The following TSPAN9 variants were observed in gnomAD, a reference collection of about 807,000 sequenced individuals.
The protein encoded by TSPAN9 is tetraspanin-9.
TSPAN9 carries 16 observed loss-of-function variants against 31.0 expected under a neutral mutation model. That is an observed-to-expected ratio of 0.52 (90% CI 0.35 to 0.78). TSPAN9 has a LOEUF of 0.78. TSPAN9 is among the 30% of genes least tolerant of loss of function. TSPAN9 has a pLI of 0.01. For missense variants in TSPAN9, 272 were observed against 312.5 expected (o/e 0.87, Z 0.98); for synonymous variants, 145 against 121.6 (o/e 1.19, Z -1.27).
intron 3 of TSPAN9, among the ~76,000 whole-genome samples, chr12:3,242,072 C>T (rs920288130): frequency 3.3e-5 from 5 of 152,236 alleles, no homozygotes; most frequent in Admixed American, 3.3e-4. Context: ...CACCCTGCCA[C>T]CTCTAATGTT....
chr12:3,150,534 G>A (rs887321150), intron 2 of TSPAN9, among the ~76,000 whole-genome samples: 3 of 152,150 alleles, frequency 2.0e-5, no homozygotes, highest in East Asian at 1.9e-4. Context: ...ATATACGCAC[G>A]TTGCTGCTGG....
chr12:3,081,844 G>GTGTGTATATATATATATA (rs57812985), intron 1 of TSPAN9, among the ~76,000 whole-genome samples: 1,503 of 116,744 alleles, frequency 0.013, 103 homozygotes, highest in African/African-American at 0.047. Flanking sequence ...GTCTGTGTGT[G>GTGTGTATATATATATATA]TATATATATG....
At chr12:3,242,534 G>A (rs907746310) in intron 3 of TSPAN9, among the ~76,000 whole-genome samples, 2 of 152,234 alleles carry the variant, frequency 1.3e-5, no homozygotes, top group Non-Finnish European at 2.9e-5. Flanking sequence ...GTCCCCTGGT[G>A]GCCAGGTGTT....
intron 3 of TSPAN9, among the ~76,000 whole-genome samples, chr12:3,234,429 G>C (rs897841162): frequency 1.2e-4 from 18 of 152,148 alleles, no homozygotes; most frequent in Admixed American, 3.9e-4. Flanking sequence ...CCCTCCCTCT[G>C]CTCCGGCCAC....
Position 3,283,281 on chromosome 12 carries a change from G to A in TSPAN9, c.*165G>A. The A allele has an allele frequency of 1.5e-6, 1 of 661,334 alleles. No individual in the cohort carries two copies. 41.0% of individuals were successfully genotyped at this position (661,334 alleles called of 1,614,324 possible). A position where few individuals can be genotyped will look rare whatever the true frequency, so the allele number is the denominator to read the frequency against. On this transcript the variant is annotated 3_prime_UTR_variant, in exon 9 of 9. Transcript: ENST00000011898. ...CTCAGCCTCGGACTTCTCAGTGGGT[G>A]GAGTGCCAGGGAGGAGGAGGCACAC... is the stretch of plus-strand genomic sequence containing the variant.
chr12:3,163,073 G>T (rs986622526), intron 2 of TSPAN9, among the ~76,000 whole-genome samples: 1 of 152,140 alleles, frequency 6.6e-6, no homozygotes, highest in Non-Finnish European at 1.5e-5. Flanking sequence ...CCCTGGCTGC[G>T]GTCCACACAG....
At chr12:3,129,505 A>G (rs2098328819) in intron 2 of TSPAN9, among the ~76,000 whole-genome samples, 1 of 152,182 alleles carries the variant, frequency 6.6e-6, no homozygotes, top group South Asian at 2.1e-4. Context: ...GTGGGTTGTG[A>G]GGTCAGACCA....
chr12:3,097,571 G>C (rs2098309753), intron 2 of TSPAN9, among the ~76,000 whole-genome samples: 1 of 152,226 alleles, frequency 6.6e-6, no homozygotes, highest in Non-Finnish European at 1.5e-5. Flanking sequence ...CAGGGGAAGA[G>C]AGGGAAAGTT....
chr12:3,174,479 T>G (rs2098353863), intron 2 of TSPAN9, among the ~76,000 whole-genome samples: 1 of 152,264 alleles, frequency 6.6e-6, no homozygotes, highest in Non-Finnish European at 1.5e-5. Context: ...GTGTGTTCAT[T>G]TCCAGGAGCC....
chr12:3,138,429 A>T (rs1019838676), intron 2 of TSPAN9, among the ~76,000 whole-genome samples: 1 of 151,968 alleles, frequency 6.6e-6, no homozygotes, highest in Non-Finnish European at 1.5e-5. Flanking sequence ...AGCTCTGCCC[A>T]GTCCTGTCTC....
chr12:3,179,878 C>T lies in TSPAN9; in HGVS notation c.-17-21299C>T, dbSNP rs2098357784. ...CACATTTCCACTGACAAGACGTGCA[C>T]CGTCTCTTCTCACGGTACACGTAAC... On this transcript the variant is annotated intron_variant, in intron 2 of 8. Transcript: ENST00000011898. 2.0e-5 allele frequency among the ~76,000 whole-genome samples: 3 copies of T among 152,206 alleles called. No individual in the cohort carries two copies. The South Asian group carries it at 6.2e-4, about 32-fold the overall frequency.
intron 3 of TSPAN9, among the ~76,000 whole-genome samples, chr12:3,248,065 G>A (rs954631785): frequency 3.3e-5 from 5 of 152,148 alleles, no homozygotes; most frequent in East Asian, 1.9e-4. Context: ...AACCTCTCCG[G>A]ATTAGAGCAA....
chr12:3,120,710 G>A (rs1300899976), intron 2 of TSPAN9, among the ~76,000 whole-genome samples: 4 of 152,256 alleles, frequency 2.6e-5, no homozygotes, highest in African/African-American at 9.6e-5. Flanking sequence ...AGTGTAAACT[G>A]GACTGTGGGG....
At chr12:3,210,257 G>GAATAGAT (rs769552418) in intron 3 of TSPAN9, among the ~76,000 whole-genome samples, 195 of 152,302 alleles carry the variant, frequency 1.3e-3, no homozygotes, top group Non-Finnish European at 2.0e-3. Flanking sequence ...ATATGTACCT[G>GAATAGAT]CCACCTTTCC....
chr12:3,262,003 ACAGAGGT>A (rs1862458640), intron 3 of TSPAN9, among the ~76,000 whole-genome samples: 1 of 152,250 alleles, frequency 6.6e-6, no homozygotes, highest in Admixed American at 6.5e-5. Flanking sequence ...TGCTTTTGCA[ACAGAGGT>A]CAGAGTTTCC....
intron 2 of TSPAN9, among the ~76,000 whole-genome samples, chr12:3,184,459 G>A (rs1157397763): frequency 6.6e-6 from 1 of 151,680 alleles, no homozygotes; most frequent in Non-Finnish European, 1.5e-5. Context: ...AAGAGAAAGA[G>A]AAAAAAAAGA....
chr12:3,117,848 C>T (rs1235139917), intron 2 of TSPAN9, among the ~76,000 whole-genome samples: 1 of 152,256 alleles, frequency 6.6e-6, no homozygotes, highest in Non-Finnish European at 1.5e-5. Flanking sequence ...ATCCAGGTCC[C>T]GGACCCCTCC....
At chr12:3,202,410 C>T (rs1378129300) in intron 3 of TSPAN9, among the ~76,000 whole-genome samples, 1 of 152,202 alleles carries the variant, frequency 6.6e-6, no homozygotes, top group African/African-American at 2.4e-5. Context: ...GAGTGATCCA[C>T]ATTAGCCGAA....
intron 2 of TSPAN9, among the ~76,000 whole-genome samples, chr12:3,140,561 C>T (rs2098334323): frequency 6.6e-6 from 1 of 152,050 alleles, no homozygotes. Context: ...TTAGGAGCAG[C>T]TGAAGGGATT....
Sources: allele counts gnomAD v4.1 joint callset (sites outside exome capture counted in the v4.1 genomes callset), GRCh38; gene constraint gnomAD v4.1.1; transcripts MANE v1.5; gene names NCBI Gene and HGNC (gene_info 2026-07-23, HGNC 2026-07-21).